Variants in PISD observed in about 807,000 individuals in gnomAD.
The protein encoded by PISD is phosphatidylserine decarboxylase proenzyme, mitochondrial.
Under a neutral mutation model 43.5 loss-of-function variants are expected in PISD, and 31 were observed. That is an observed-to-expected ratio of 0.71 (90% CI 0.54 to 0.96). The LOEUF (loss-of-function observed/expected upper bound fraction) is 0.96. Among genes scored for constraint, PISD ranks in the 40% least tolerant of loss-of-function variants. PISD has a pLI of 0.00. For synonymous variants in PISD, 259 were observed against 228.7 expected, an observed-to-expected ratio of 1.13 and a Z score of -1.20; for missense variants, 523 against 548.4, an observed-to-expected ratio of 0.95 and a Z score of 0.46.
chr22:31,640,311 C>T (rs1323286357), intron 3 of PISD, among the ~76,000 whole-genome samples: 2 of 151,690 alleles, frequency 1.3e-5, no homozygotes, highest in African/African-American at 4.9e-5. Context: ...AATCCTCCCA[C>T]CTCAGCCTCC....
chr22:31,661,974 C>T (rs945671444), intron 1 of PISD, among the ~76,000 whole-genome samples, 170 bp downstream of exon 1: 17 of 152,268 alleles, frequency 1.1e-4, no homozygotes, highest in East Asian at 1.9e-4. Context: ...AAATCCGGAC[C>T]GCCCTACGCA....
upstream of PISD, chr22:31,662,248 C>A (rs371484758): frequency 3.2e-6 from 5 of 1,587,138 alleles, no homozygotes; most frequent in African/African-American, 2.7e-5. Context: ...CCCCTTCACA[C>A]GCTGGGCGCA....
At chr22:31,649,328 A>T (rs2071793470) in intron 2 of PISD, among the ~76,000 whole-genome samples, 1 of 152,204 alleles carries the variant, frequency 6.6e-6, no homozygotes, top group Non-Finnish European at 1.5e-5. Context: ...GTTATGCGTT[A>T]AATTGCTGAA....
At chr22:31,638,372 T>A (rs2073579151) in intron 3 of PISD, 1 of 985,504 alleles carries the variant, frequency 1.0e-6, no homozygotes, top group East Asian at 1.1e-4. Flanking sequence ...TCACCTCCAC[T>A]TGACCTAACT....
intron 3 of PISD, among the ~76,000 whole-genome samples, chr22:31,643,054 A>G (rs2073782511): frequency 6.7e-6 from 1 of 149,904 alleles, no homozygotes; most frequent in African/African-American, 2.5e-5. Flanking sequence ...GTGAGCAGAG[A>G]TTGTGCCACT....
chr22:31,623,812 C>G lies in PISD; in HGVS notation c.322-1927G>C, dbSNP rs1305165885. 12 of 1,613,910 alleles carry G rather than the reference C, an allele frequency of 7.4e-6. No individual in the cohort carries two copies. The South Asian group carries it at 1.2e-4, about 16-fold the overall frequency. ...GGTCTGGACATGCAGCTCAGCTGCCCCAGCCTCCGCCTCAGGGCCAGCTGG... is the reference window on the plus strand; with the variant it reads ...GGTCTGGACATGCAGCTCAGCTGCCGCAGCCTCCGCCTCAGGGCCAGCTGG... On this transcript the variant is annotated intron_variant, in intron 3 of 7. Transcript: ENST00000439502.
At chr22:31,634,970 C>A (rs766832142) in intron 3 of PISD, among the ~76,000 whole-genome samples, 24 of 151,696 alleles carry the variant, frequency 1.6e-4, no homozygotes, top group Non-Finnish European at 2.5e-4. Context: ...AGTTCAAGAC[C>A]AGCCTGGCCA....
In PISD at chr22:31,662,169, G is replaced by A; in HGVS notation, c.40C>T (p.His14Tyr). ...SVGHRCLGLL[H>Y]GVAPWRSSLH... ...CTGCTCCGCCACGGCGCGACCCCGT[G>A]CAGTAATCCCAGACATCGGTGCCCC... Residue 14 changes from histidine (H) to tyrosine (Y), a missense_variant, in exon 1 of 8, where the codon CAC becomes TAC. Coordinates refer to ENST00000439502, the MANE Select transcript of PISD (RefSeq NM_001326411.2). The A allele has an allele frequency of 6.2e-7, 1 of 1,606,894 alleles. No homozygotes were observed. The highest frequency in any genetic ancestry group is 1.1e-5 in the South Asian group (1 of 91,092).
intron 3 of PISD, chr22:31,628,162 C>T: frequency 1.0e-6 from 1 of 985,626 alleles, no homozygotes; most frequent in Non-Finnish European, 1.2e-6. Context: ...GAAAATGAAT[C>T]CAGCTTTGCC....
chr22:31,662,375 G>GC, upstream of PISD: 3 of 666,010 alleles, frequency 4.5e-6, no homozygotes, highest in African/African-American at 1.8e-5. Context: ...CTTGGCACCT[G>GC]CGGAGGTAGG....
intron 3 of PISD, among the ~76,000 whole-genome samples, chr22:31,637,327 C>T (rs1423467629): frequency 1.3e-5 from 2 of 148,604 alleles, no homozygotes; most frequent in Admixed American, 1.3e-4. Flanking sequence ...CACACCGCTA[C>T]ACTCCAGCCT....
chr22:31,624,637 C>T (rs2072774351), intron 3 of PISD, among the ~76,000 whole-genome samples: 1 of 148,112 alleles, frequency 6.8e-6, no homozygotes, highest in Non-Finnish European at 1.5e-5. Flanking sequence ...GTCTGCTCTG[C>T]TGGGGCTGCA....
At chr22:31,634,904 T>C (rs891591593) in intron 3 of PISD, among the ~76,000 whole-genome samples, 9 of 150,374 alleles carry the variant, frequency 6.0e-5, no homozygotes, top group South Asian at 2.1e-4. Flanking sequence ...CGGTGACTCA[T>C]GCCTGTAATC....
At chr22:31,627,005 G>A (rs1455172107) in intron 3 of PISD, among the ~76,000 whole-genome samples, 42 of 152,364 alleles carry the variant, frequency 2.8e-4, no homozygotes, top group Middle Eastern at 3.4e-3. Flanking sequence ...CTCAGACATC[G>A]CTGTGGTCGC....
At chr22:31,622,977 A>G (rs770937490) in intron 3 of PISD, among the ~76,000 whole-genome samples, 2 of 152,242 alleles carry the variant, frequency 1.3e-5, no homozygotes, top group Non-Finnish European at 2.9e-5. Flanking sequence ...TATCCCTTCC[A>G]GCTGATGCCC....
Position 31,648,050 on chromosome 22 carries a change from C to A in PISD, c.321+51G>T, listed in dbSNP as rs537005319. ...AACTTTGGAACAACTGGAAAAGTGA[C>A]AGACAAAGTTTGCTGGACGAGAACC... On this transcript the variant is annotated intron_variant, in intron 3 of 7. Transcript: ENST00000439502. 60 of 1,484,240 alleles carry A rather than the reference C, an allele frequency of 4.0e-5. No individual in the cohort carries two copies. In the East Asian group the frequency reaches 1.3e-3, roughly 32 times the overall value. 91.9% of individuals were successfully genotyped at this position (1,484,240 alleles called of 1,614,324 possible).
At chr22:31,661,808 A>T (rs998884099) in intron 1 of PISD, among the ~76,000 whole-genome samples, 12 of 152,182 alleles carry the variant, frequency 7.9e-5, no homozygotes, top group African/African-American at 2.7e-4. Context: ...TCCTTCTACG[A>T]AAACGAACAC....
At chr22:31,639,180 C>CT (rs60020183) in intron 3 of PISD, among the ~76,000 whole-genome samples, 3,629 of 133,456 alleles carry the variant, frequency 0.027, 128 homozygotes, top group African/African-American at 0.087. Context: ...TTTCCTTTTT[C>CT]TTTTTTTTTT....
chr22:31,637,583 C>T (rs2073548064), intron 3 of PISD, among the ~76,000 whole-genome samples: 2 of 152,060 alleles, frequency 1.3e-5, no homozygotes, highest in African/African-American at 2.4e-5. Flanking sequence ...CAGGCACTCA[C>T]GCTGGGACGT....
Sources: gnomAD v4.1 joint callset for allele counts (sites outside exome capture counted in the v4.1 genomes callset) on GRCh38, gnomAD v4.1.1 for gene constraint, MANE v1.5 for transcripts, NCBI Gene and HGNC (gene_info 2026-07-23, HGNC 2026-07-21) for gene names.